Variants in SLC15A5 observed in about 807,000 individuals in gnomAD.
SLC15A5 encodes the protein Peptide/histidine transporter ENSP00000340402.
A neutral mutation model predicts 56.1 loss-of-function variants in SLC15A5; 58 were observed. The observed-to-expected ratio is 1.03, with a 90% CI of 0.84 to 1.29. The LOEUF is 1.29. SLC15A5 is among the 50% of genes most tolerant of loss of function. The pLI is 0.00. For missense variants in SLC15A5, 681 were observed against 672.1 expected (o/e 1.01, Z -0.15); for synonymous variants, 264 against 250.5 (o/e 1.05, Z -0.51).
chr12:16,193,192 TG>T (rs1863855011), intron 8 of SLC15A5, among the ~76,000 whole-genome samples: 1 of 152,114 alleles, frequency 6.6e-6, no homozygotes, highest in African/African-American at 2.4e-5. Flanking sequence ...CAAAACTTTC[TG>T]GTTCTCTAAT....
chr12:16,235,097 A>T lies in SLC15A5; in HGVS notation c.1162+4584T>A, dbSNP rs1377667042. ...ATGAACTACTCTCATAAAGACAGCT[A>T]TAATTTTATTGTCTTATGTATCTGC... is the stretch of plus-strand genomic sequence containing the variant. On this transcript the variant is annotated intron_variant, in intron 5 of 8. Transcript: ENST00000344941. This position sits in a 1 kb window ranked among gnomAD's most constrained non-coding sequence, Gnocchi z 4.1. Among the ~76,000 whole-genome samples the T allele has an allele frequency of 6.6e-6, 1 of 151,970 alleles. No homozygotes were observed. Among genetic ancestry groups the T allele is most frequent in the Non-Finnish European group, 1.5e-5 (1 of 67,942 alleles).
intron 7 of SLC15A5, among the ~76,000 whole-genome samples, chr12:16,201,158 G>A (rs978204792): frequency 1.3e-5 from 2 of 152,092 alleles, no homozygotes; most frequent in Non-Finnish European, 2.9e-5. Flanking sequence ...GTAGGAAAAA[G>A]TTACAAAGAA....
chr12:16,202,509 A>G (rs1218197788), intron 7 of SLC15A5, among the ~76,000 whole-genome samples: 1 of 152,148 alleles, frequency 6.6e-6, no homozygotes, highest in Non-Finnish European at 1.5e-5. Context: ...GCAAATTAGT[A>G]CATCTATTAT....
chr12:16,227,545 C>T (rs962562300), intron 5 of SLC15A5, among the ~76,000 whole-genome samples: 5 of 151,970 alleles, frequency 3.3e-5, no homozygotes, highest in Admixed American at 6.6e-5. Context: ...GGTTTCAGTA[C>T]GAAAAGGTGA....
At chr12:16,193,748 A>AAGTAC (rs1863861332) in intron 8 of SLC15A5, among the ~76,000 whole-genome samples, 1 of 142,918 alleles carries the variant, frequency 7.0e-6, no homozygotes, top group East Asian at 2.1e-4. Context: ...AATTTTCTCA[A>AAGTAC]AAGTACACAG....
intron 7 of SLC15A5, among the ~76,000 whole-genome samples, chr12:16,206,323 A>G (rs2136242083): frequency 6.6e-6 from 1 of 152,368 alleles, no homozygotes; most frequent in South Asian, 2.1e-4. Context: ...CTTGAAATGC[A>G]TATAGCAAGG....
At chr12:16,255,975 G>A (rs1030890175) in intron 3 of SLC15A5, among the ~76,000 whole-genome samples, 4 of 152,144 alleles carry the variant, frequency 2.6e-5, no homozygotes, top group Non-Finnish European at 5.9e-5. Context: ...AACGACTAAG[G>A]TACCAACATG....
intron 5 of SLC15A5, among the ~76,000 whole-genome samples, chr12:16,231,993 A>G (rs912760328): frequency 6.6e-6 from 1 of 152,234 alleles, no homozygotes; most frequent in Non-Finnish European, 1.5e-5. Context: ...GAGAAACCCC[A>G]TAAGTCTCAC....
chr12:16,223,170 G>T (rs1267467655), intron 6 of SLC15A5, among the ~76,000 whole-genome samples: 2 of 152,010 alleles, frequency 1.3e-5, no homozygotes, highest in African/African-American at 4.8e-5. Context: ...AAGGAGTTTG[G>T]AAACAACTTT....
intron 5 of SLC15A5, among the ~76,000 whole-genome samples, chr12:16,228,904 G>A (rs531094899): frequency 1.3e-5 from 2 of 152,104 alleles, no homozygotes; most frequent in East Asian, 3.9e-4. Context: ...GTTTGCAGGG[G>A]GTGAAAAGTT....
chr12:16,273,714 C>T (rs1386366809), intron 1 of SLC15A5, among the ~76,000 whole-genome samples: 1 of 147,788 alleles, frequency 6.8e-6, no homozygotes, highest in African/African-American at 2.5e-5. Flanking sequence ...CTTGGACCTC[C>T]TACCATCAAG....
chr12:16,247,831 A>T (rs780010899), intron 3 of SLC15A5, among the ~76,000 whole-genome samples: 1 of 152,136 alleles, frequency 6.6e-6, no homozygotes, highest in Non-Finnish European at 1.5e-5. Context: ...AAAACCATTA[A>T]GAAGTTTTAA....
At chr12:16,272,872 G>A in intron 1 of SLC15A5, 89 bp from the exon 2 acceptor site, 1 of 1,141,066 alleles carries the variant, frequency 8.8e-7, no homozygotes, top group Non-Finnish European at 1.2e-6. Context: ...CTCTGACAGT[G>A]GCATCATTTT....
At chr12:16,234,513 A>G (rs570341307) in intron 5 of SLC15A5, among the ~76,000 whole-genome samples, 11 of 152,322 alleles carry the variant, frequency 7.2e-5, no homozygotes, top group African/African-American at 2.4e-4. Flanking sequence ...CTTAACTTGT[A>G]TGAGATAATA....
intron 7 of SLC15A5, among the ~76,000 whole-genome samples, chr12:16,213,972 C>T (rs1277495314): frequency 1.3e-5 from 2 of 152,112 alleles, no homozygotes; most frequent in Non-Finnish European, 2.9e-5. Context: ...TCTTTAAACA[C>T]CCTTACATCT....
intron 2 of SLC15A5, among the ~76,000 whole-genome samples, chr12:16,270,300 C>T (rs1376532716): frequency 6.6e-6 from 1 of 152,132 alleles, no homozygotes; most frequent in East Asian, 1.9e-4. Flanking sequence ...GAACATCTGA[C>T]ATCTGTGCTG....
At chr12:16,252,625 T>G (rs1864530872) in intron 3 of SLC15A5, among the ~76,000 whole-genome samples, 1 of 152,022 alleles carries the variant, frequency 6.6e-6, no homozygotes, top group South Asian at 2.1e-4. Context: ...TAATGGAAAC[T>G]ATAAAACTTT....
intron 2 of SLC15A5, among the ~76,000 whole-genome samples, chr12:16,258,175 C>T (rs1864596598): frequency 6.6e-6 from 1 of 152,116 alleles, no homozygotes; most frequent in Non-Finnish European, 1.5e-5. Flanking sequence ...ATATTTTAGG[C>T]TTTGCAGGCC....
intron 5 of SLC15A5, among the ~76,000 whole-genome samples, chr12:16,227,887 T>C (rs1864258282): frequency 1.3e-5 from 2 of 152,042 alleles, no homozygotes; most frequent in African/African-American, 4.8e-5. Flanking sequence ...TCTGGTAACG[T>C]ATAATGGGGG....
Sources: allele counts gnomAD v4.1 joint callset (sites outside exome capture counted in the v4.1 genomes callset), GRCh38; gene constraint gnomAD v4.1.1; non-coding constraint Gnocchi (gnomAD v3.1); transcripts MANE v1.5; gene names NCBI Gene and HGNC (gene_info 2026-07-23, HGNC 2026-07-21).